Variants in PLXNA2 observed in about 807,000 individuals in gnomAD.
PLXNA2 encodes the protein plexin A2, also known as plexin-A2.
Under a neutral mutation model 193.5 loss-of-function variants are expected in PLXNA2, and 91 were observed. The ratio of observed to expected loss-of-function variants is 0.47; its 90% CI spans 0.40 to 0.56. The LOEUF is 0.56. Ranked by LOEUF, PLXNA2 falls within the 20% of genes least tolerant of loss-of-function variation. PLXNA2 has a pLI of 0.00. For synonymous variants in PLXNA2, 997 were observed against 1,027.3 expected, an observed-to-expected ratio of 0.97 and a Z score of 0.56; for missense variants, 1,995 against 2,503.2, an observed-to-expected ratio of 0.80 and a Z score of 4.33.
intron 4 of PLXNA2, among the ~76,000 whole-genome samples, chr1:208,138,584 T>C (rs889543151): frequency 9.2e-5 from 14 of 152,196 alleles, no homozygotes; most frequent in Non-Finnish European, 1.5e-4. Flanking sequence ...CATAAATCTC[T>C]CCTTAAGAAC....
At chr1:208,103,817 C>G (rs150904394) in intron 4 of PLXNA2, among the ~76,000 whole-genome samples, 10 of 152,202 alleles carry the variant, frequency 6.6e-5, no homozygotes, top group Non-Finnish European at 1.5e-4. Flanking sequence ...TTTGAAAAGT[C>G]TGGCTAAATG....
intron 3 of PLXNA2, among the ~76,000 whole-genome samples, chr1:208,207,799 A>G (rs1341057667): frequency 1.3e-5 from 2 of 152,168 alleles, no homozygotes; most frequent in African/African-American, 4.8e-5. Context: ...ATGAATGTCA[A>G]GTACCTCAAA....
intron 1 of PLXNA2, among the ~76,000 whole-genome samples, chr1:208,224,268 T>C (rs1671442542): frequency 6.7e-6 from 1 of 148,706 alleles, no homozygotes; most frequent in Non-Finnish European, 1.5e-5. Context: ...GCTGATTTTT[T>C]CCCCACTGTC....
At chr1:208,081,480 T>A (rs1274890174) in intron 11 of PLXNA2, among the ~76,000 whole-genome samples, 1 of 152,126 alleles carries the variant, frequency 6.6e-6, no homozygotes, top group Non-Finnish European at 1.5e-5. Context: ...GATAGGAATA[T>A]ATTCCAGGGG....
intron 3 of PLXNA2, among the ~76,000 whole-genome samples, chr1:208,191,202 G>A (rs531284724): frequency 2.9e-4 from 44 of 152,322 alleles, no homozygotes; most frequent in African/African-American, 8.4e-4. Flanking sequence ...TAAGAATCCC[G>A]GAGGTCCTGC....
intron 14 of PLXNA2, among the ~76,000 whole-genome samples, chr1:208,052,732 A>G (rs933887654): frequency 2.6e-5 from 4 of 152,114 alleles, no homozygotes; most frequent in African/African-American, 9.7e-5. Context: ...AATGAAGGGA[A>G]AGCAGAGGTG....
intron 29 of PLXNA2, chr1:208,030,419 G>C: frequency 4.1e-6 from 4 of 985,590 alleles, no homozygotes; most frequent in Non-Finnish European, 4.8e-6. Context: ...CTGGGCCGGG[G>C]ATGCTCCAAA....
intron 3 of PLXNA2, chr1:208,209,975 G>A (rs369734704): frequency 0.02 from 2,377 of 121,632 alleles, 82 homozygotes; most frequent in African/African-American, 0.091. Context: ...ATTTGGGAAT[G>A]AAGAGCAATT....
intron 12 of PLXNA2, among the ~76,000 whole-genome samples, chr1:208,071,696 G>A (rs1191074648): frequency 6.6e-6 from 1 of 152,272 alleles, no homozygotes; most frequent in South Asian, 2.1e-4. Context: ...TCTCAGCAGA[G>A]TAACTCCATT....
chr1:208,164,868 T>G (rs1476092511), intron 3 of PLXNA2, among the ~76,000 whole-genome samples: 2 of 152,230 alleles, frequency 1.3e-5, no homozygotes, highest in Admixed American at 1.3e-4. Context: ...GACCCTTGTC[T>G]GCAGATCGGC....
rs755816537 is a variant in PLXNA2, at chr1:208,079,330, G to A, written c.2516C>T (p.Thr839Ile). The A allele has an allele frequency of 1.9e-6, 3 of 1,614,016 alleles. No homozygotes were observed. The highest frequency in any genetic ancestry group is 2.7e-5 in the African/African-American group (2 of 75,046). ...GTCGAGCCAGGGGCTGGAAGGGCTG[G>A]TACAGTGCTGGTGGAGGGTGCACCT... The part of the protein sequence containing the change: ...ERRCTLHQHC[T>I]SPSSPWLDWS... Residue 839 changes from threonine to isoleucine, a missense_variant, in exon 12 of 32, where the codon ACC becomes ATC. Thr to Ile is a moderately conservative substitution (Grantham distance 89). Transcript: ENST00000367033.
chr1:208,169,695 T>C (rs1669430652), intron 3 of PLXNA2, among the ~76,000 whole-genome samples: 1 of 152,022 alleles, frequency 6.6e-6, no homozygotes, highest in African/African-American at 2.4e-5. Context: ...GTTCAACAGG[T>C]GAGAAAAGGG....
chr1:208,031,716 A>C lies in PLXNA2; in HGVS notation c.5099T>G (p.Phe1700Cys). Residue 1700 changes from phenylalanine (F) to cysteine (C), a missense_variant, in exon 29 of 32, where the codon TTC becomes TGC. Physicochemically the swap from Phe to Cys is radical, Grantham distance 205. This residue lies in a region of PLXNA2 where 1,291 missense variants were observed against 1,673.6 expected (regional missense o/e 0.77). Transcript: ENST00000367033. ...KFVDDLFETL[F>C]STVHRGSALP... ...AGCGCTGCCCCGGTGCACAGTGCTG[A>C]ACAAGGTCTCAAACAAGTCGTCCAC... 1.2e-6 allele frequency: 2 copies of C among 1,612,608 alleles called. No individual in the cohort carries two copies. Among genetic ancestry groups the C allele is most frequent in the Non-Finnish European group, 1.7e-6 (2 of 1,179,384 alleles).
chr1:208,163,575 A>G (rs999728261), intron 3 of PLXNA2, among the ~76,000 whole-genome samples: 1 of 152,206 alleles, frequency 6.6e-6, no homozygotes, highest in African/African-American at 2.4e-5. Flanking sequence ...TAAACTGTGC[A>G]TATTAGGGAT....
At chr1:208,030,843 C>A in intron 29 of PLXNA2, 2 of 985,454 alleles carry the variant, frequency 2.0e-6, no homozygotes, top group Non-Finnish European at 2.4e-6. Flanking sequence ...TCCTGTCTGA[C>A]CTGAAAGCCA....
chr1:208,241,858 G>A (rs1026476933), intron 1 of PLXNA2, among the ~76,000 whole-genome samples: 3 of 152,132 alleles, frequency 2.0e-5, no homozygotes, highest in African/African-American at 7.2e-5. Flanking sequence ...GGTTGGTGGT[G>A]ATGCCAGGTG....
chr1:208,135,538 C>T (rs1473042306), intron 4 of PLXNA2, among the ~76,000 whole-genome samples: 1 of 152,220 alleles, frequency 6.6e-6, no homozygotes, highest in Non-Finnish European at 1.5e-5. Context: ...GGCCCACAGG[C>T]ATTTGATAGA....
At chr1:208,077,109 TACA>T (rs1312039650) in intron 12 of PLXNA2, among the ~76,000 whole-genome samples, 2 of 152,044 alleles carry the variant, frequency 1.3e-5, no homozygotes, top group Admixed American at 6.5e-5. Flanking sequence ...TAATCATGAA[TACA>T]ACATTCCAGG....
intron 17 of PLXNA2, among the ~76,000 whole-genome samples, chr1:208,047,320 T>A (rs1388849716): frequency 6.6e-6 from 1 of 152,270 alleles, no homozygotes; most frequent in Non-Finnish European, 1.5e-5. Context: ...CCCCTAACCC[T>A]GCACTGGGAC....
Sources: allele counts gnomAD v4.1 joint callset (sites outside exome capture counted in the v4.1 genomes callset), GRCh38; gene constraint gnomAD v4.1.1; regional missense constraint gnomAD v4.1.1; transcripts MANE v1.5; gene names NCBI Gene and HGNC (gene_info 2026-07-23, HGNC 2026-07-21).